Variants in LRRC42 observed in about 807,000 individuals in gnomAD.
LRRC42 encodes the protein leucine rich repeat containing 42.
In LRRC42, 43 loss-of-function variants were observed where a neutral mutation model predicts 44.3. The observed-to-expected ratio is 0.97, with a 90% CI of 0.76 to 1.25. LRRC42 has a LOEUF of 1.25. Ranked by LOEUF, LRRC42 falls within the 50% of genes most tolerant of loss-of-function variation. The probability of loss-of-function intolerance (pLI) is 0.00; values close to 1 mark genes in which losing one functional copy is unlikely to be tolerated. For missense variants in LRRC42, 540 were observed against 509.1 expected, an observed-to-expected ratio of 1.06 and a Z score of -0.58; for synonymous variants, 207 against 195.2, an observed-to-expected ratio of 1.06 and a Z score of -0.50.
Position 53,967,879 on chromosome 1 carries a change from T to A in LRRC42, c.1227T>A (p.Pro409=). 6.2e-7 allele frequency: 1 copy of A among 1,614,184 alleles called. No homozygotes were observed. The highest frequency in any genetic ancestry group is 8.5e-7 in the Non-Finnish European group (1 of 1,180,030). ...CAGAACAGAATAACTCTTCACAACCTTCAAAGCAGAAATATGTATGTCTTG... is the reference window on the plus strand; with the variant it reads ...CAGAACAGAATAACTCTTCACAACCATCAAAGCAGAAATATGTATGTCTTG... ...SETEQNNSSQ[P]SKQKYVCLAV... Residue 409 remains proline (P), a synonymous_variant, in exon 9 of 9, where the codon CCT becomes CCA. Coordinates refer to ENST00000371370, the MANE Select transcript of LRRC42 (RefSeq NM_001256409.2).
intron 3 of LRRC42, among the ~76,000 whole-genome samples, chr1:53,957,778 G>T (rs1654880069): frequency 6.6e-6 from 1 of 152,196 alleles, no homozygotes; most frequent in Non-Finnish European, 1.5e-5. Flanking sequence ...AACTTTAAAA[G>T]AATTAGTAAT....
At chr1:53,953,197 C>T (rs1049853712) in intron 3 of LRRC42, among the ~76,000 whole-genome samples, 3 of 152,186 alleles carry the variant, frequency 2.0e-5, no homozygotes, top group African/African-American at 7.2e-5. Flanking sequence ...AGACCAAATG[C>T]TGTTACCAGT....
chr1:53,946,547 C>G lies in LRRC42; in HGVS notation c.-51C>G, dbSNP rs1654463379. 1 of 151,344 alleles carries G rather than the reference C, an allele frequency of 6.6e-6. No individual in the cohort carries two copies. The highest frequency in any genetic ancestry group is 2.1e-4 in the South Asian group (1 of 4,802). The allele number at this position is 151,344 out of a possible 1,614,324, so 9.4% of individuals were successfully genotyped here. On this transcript the variant is annotated splice_region_variant and 5_prime_UTR_variant, in exon 1 of 9. Transcript: ENST00000371370. ...CCGCTCGCTGCCCCGGGCAGGGGCA[C>G]AGGTAGGTGGCGGCCGCGGGCCGGG...
chr1:53,952,288 A>G lies in LRRC42; in HGVS notation c.289A>G (p.Ile97Val). 6.2e-7 allele frequency: 1 copy of G among 1,614,210 alleles called. No individual in the cohort carries two copies. The highest frequency in any genetic ancestry group is 8.5e-7 in the Non-Finnish European group (1 of 1,180,030). The change falls in exon 3 of 9, where the codon ATC (isoleucine) becomes GTC (valine). Residue 97 changes from isoleucine to valine, a missense_variant. Transcript: ENST00000371370. ...CCTCTTCAGCCTTGTCCTGGGTTTC[A>G]TCTCCGACAATGTGGATCACATTGA... Reference protein sequence around the residue: ...KSLFSLVLGFISDNVDHIDSL... With the variant: ...KSLFSLVLGFVSDNVDHIDSL...
intron 7 of LRRC42, 52 bp downstream of exon 7, chr1:53,962,461 C>A: frequency 2.7e-6 from 3 of 1,107,458 alleles, no homozygotes; most frequent in Non-Finnish European, 2.8e-6. Context: ...ATCTTAATTC[C>A]AAGTGTCTTA....
chr1:53,958,279 A>G lies in LRRC42; in HGVS notation c.604A>G (p.Ser202Gly). The G allele has an allele frequency of 6.2e-7, 1 of 1,613,396 alleles. No homozygotes were observed. Among genetic ancestry groups the G allele is most frequent in the African/African-American group, 1.3e-5 (1 of 74,930 alleles). Residue 202 changes from serine to glycine, a missense_variant and splice_region_variant, in exon 4 of 9, where the codon AGT becomes GGT. Transcript: ENST00000371370. ...LEHLTNEALS[S>G]VTQLHLKDNC... ...ACATCTCACCAATGAAGCCCTGTCT[A>G]GGTACTGACCTGTCACCACTTGCAG...
At chr1:53,967,547 A>G (rs112987428) in intron 8 of LRRC42, 118 bp from the exon 9 acceptor site, 32 of 983,180 alleles carry the variant, frequency 3.3e-5, no homozygotes, top group African/African-American at 1.5e-4. Flanking sequence ...GCAAAATGCA[A>G]TCAATGCAGA....
intron 4 of LRRC42, among the ~76,000 whole-genome samples, chr1:53,958,799 T>C (rs1383876492): frequency 6.6e-6 from 1 of 152,200 alleles, no homozygotes; most frequent in East Asian, 1.9e-4. Flanking sequence ...TTGGTCAGGC[T>C]GGTCTCGAGG....
intron 5 of LRRC42, among the ~76,000 whole-genome samples, chr1:53,961,558 A>G (rs1654996325): frequency 6.6e-6 from 1 of 152,240 alleles, no homozygotes; most frequent in Non-Finnish European, 1.5e-5. Flanking sequence ...CTCTGACGTG[A>G]GAAAGTAATA....
At chr1:53,959,361 T>C (rs1033714739) in intron 4 of LRRC42, among the ~76,000 whole-genome samples, 13 of 152,216 alleles carry the variant, frequency 8.5e-5, no homozygotes, top group African/African-American at 3.1e-4. Flanking sequence ...TCTCAGGTTA[T>C]TCTGGCCAGC....
Position 53,960,446 on chromosome 1 carries a change from T to G in LRRC42, c.696T>G (p.Leu232=). The G allele has an allele frequency of 6.2e-7, 1 of 1,612,668 alleles. No individual in the cohort carries two copies. Among genetic ancestry groups the G allele is most frequent in the Non-Finnish European group, 8.5e-7 (1 of 1,178,912 alleles). Residue 232 remains leucine (L), a synonymous_variant, in exon 5 of 9, where the codon CTT becomes CTG. Coordinates refer to ENST00000371370, the MANE Select transcript of LRRC42 (RefSeq NM_001256409.2). ...TAPVRVMKRG[L]ENLTLLDLSC... is the part of the protein sequence containing the mutation. ...CAGTTCGAGTGATGAAAAGAGGCCT[T>G]GAGAATCTAACATTATTAGACTTAT...
At chr1:53,951,432 GT>G (rs896515149) in intron 2 of LRRC42, among the ~76,000 whole-genome samples, 4 of 150,974 alleles carry the variant, frequency 2.6e-5, no homozygotes, top group Non-Finnish European at 5.9e-5. Context: ...GTTTCTGTTT[GT>G]TTTTTTTTGA....
chr1:53,968,083 G>A lies in LRRC42; in HGVS notation c.*144G>A, dbSNP rs1655180596. Reference sequence around the variant, plus strand: ...TTTCTACTTTTGTGGTGTGGGAGGGGAATGCTATGGAAGTATGTAATAATT... The same window carrying A: ...TTTCTACTTTTGTGGTGTGGGAGGGAAATGCTATGGAAGTATGTAATAATT... On this transcript the variant is annotated 3_prime_UTR_variant, in exon 9 of 9. Transcript: ENST00000371370. The A allele has an allele frequency of 3.2e-5, 24 of 757,622 alleles. No individual in the cohort carries two copies. In the South Asian group the frequency reaches 4.3e-4, roughly 14 times the overall value. The allele number at this position is 757,622 out of a possible 1,614,324, so 46.9% of individuals were successfully genotyped here.
At chr1:53,947,623 G>A (rs1654547757) in intron 1 of LRRC42, among the ~76,000 whole-genome samples, 165 bp from the exon 2 acceptor site, 2 of 152,200 alleles carry the variant, frequency 1.3e-5, no homozygotes, top group Admixed American at 1.3e-4. Flanking sequence ...GTTGGCAGAT[G>A]TTCTCCTGGT....
chr1:53,947,071 G>C (rs561449605), intron 1 of LRRC42, among the ~76,000 whole-genome samples: 1 of 151,446 alleles, frequency 6.6e-6, no homozygotes, highest in South Asian at 2.1e-4. Flanking sequence ...CCCTAGAGTG[G>C]GAAGAAGGGA....
chr1:53,957,188 G>A (rs1016624984), intron 3 of LRRC42, among the ~76,000 whole-genome samples: 1 of 152,186 alleles, frequency 6.6e-6, no homozygotes, highest in Non-Finnish European at 1.5e-5. Context: ...ATGGAAGAGA[G>A]GTATGTACTC....
At chr1:53,953,398 G>A (rs1378779148) in intron 3 of LRRC42, among the ~76,000 whole-genome samples, 2 of 151,900 alleles carry the variant, frequency 1.3e-5, no homozygotes, top group South Asian at 4.1e-4. Flanking sequence ...TTGCTCTGTC[G>A]CCAGGCTGGA....
intron 3 of LRRC42, 44 bp from the exon 4 acceptor site, chr1:53,958,105 A>G (rs754445539): frequency 1.9e-6 from 3 of 1,609,742 alleles, no homozygotes; most frequent in Non-Finnish European, 2.5e-6. Flanking sequence ...TAATGCTTTA[A>G]GAGTAGTGAG....
At chr1:53,959,830 T>C (rs916403400) in intron 4 of LRRC42, among the ~76,000 whole-genome samples, 4 of 152,130 alleles carry the variant, frequency 2.6e-5, no homozygotes, top group African/African-American at 9.7e-5. Flanking sequence ...CATTCAACAA[T>C]ATACCTTTAG....
Sources: gnomAD v4.1 joint callset for allele counts (sites outside exome capture counted in the v4.1 genomes callset) on GRCh38, gnomAD v4.1.1 for gene constraint, MANE v1.5 for transcripts, NCBI Gene and HGNC (gene_info 2026-07-23, HGNC 2026-07-21) for gene names.